The following RAVER1 variants were observed in gnomAD, a reference collection of about 807,000 sequenced individuals.
RAVER1 encodes ribonucleoprotein PTB-binding 1.
RAVER1 carries 36 observed loss-of-function variants against 68.4 expected under a neutral mutation model. That is an observed-to-expected ratio of 0.53 (90% CI 0.40 to 0.70). The LOEUF (loss-of-function observed/expected upper bound fraction) is 0.70. RAVER1 is among the 30% of genes least tolerant of loss of function. The pLI, the probability that RAVER1 is intolerant of heterozygous loss-of-function variation, is 0.00. For synonymous variants in RAVER1, 469 were observed against 472.7 expected, an observed-to-expected ratio of 0.99 and a Z score of 0.10; for missense variants, 933 against 1,019.8, an observed-to-expected ratio of 0.91 and a Z score of 1.16.
At position 10,316,462 on chromosome 19, in the gene RAVER1, G is replaced by C. The variant is rs1429287471; in HGVS notation, c.*992C>G. 1.0e-6 allele frequency: 1 copy of C among 995,938 alleles called. No homozygotes were observed. Among genetic ancestry groups the C allele is most frequent in the African/African-American group, 1.7e-5 (1 of 57,364 alleles). The allele number at this position is 995,938 out of a possible 1,614,324, so 61.7% of individuals were successfully genotyped here. A position where few individuals can be genotyped will look rare whatever the true frequency, so the allele number is the denominator to read the frequency against. ...CTGGCACTGGGCTGGAAGGAGGCCAGCTCCAGGGATCTGGCCGGGGGTGGG... is the reference window on the plus strand; with the variant it reads ...CTGGCACTGGGCTGGAAGGAGGCCACCTCCAGGGATCTGGCCGGGGGTGGG... On this transcript the variant is annotated 3_prime_UTR_variant, in exon 13 of 13. Transcript: ENST00000617231.
At position 10,320,866 on chromosome 19, in the gene RAVER1, T is replaced by A. The variant is rs776908476; in HGVS notation, c.1559A>T (p.Asn520Ile). ...GCCCCGGGCCTCCTTACCCGCCAGG[T>A]TGCTGGCCGGGAGCAGGCTGTGTAG... is the stretch of plus-strand genomic sequence containing the variant. Reference protein sequence around the residue: ...LNLHSLLPASNLAGKEARGWG... With the variant: ...LNLHSLLPASILAGKEARGWG... The change falls in exon 9 of 13, where the codon AAC (asparagine) becomes ATC (isoleucine). Residue 520 changes from asparagine (N) to isoleucine (I), a missense_variant. By Grantham distance (149) the Asn-to-Ile change is moderately radical (BLOSUM62 -3). Around this residue, in one of 3 missense-constraint regions of RAVER1, gnomAD observed 699 missense variants for 731.1 expected, o/e 0.96. Transcript: ENST00000617231. The A allele has an allele frequency of 4.6e-6, 7 of 1,511,308 alleles. No homozygotes were observed. The East Asian group carries it at 1.5e-4, about 32-fold the overall frequency. The allele number at this position is 1,511,308 out of a possible 1,614,324, so 93.6% of individuals were successfully genotyped here.
Position 10,319,887 on chromosome 19 carries a change from G to A in RAVER1, c.1771-647C>T, listed in dbSNP as rs549811715. 8.6e-5 allele frequency among the ~76,000 whole-genome samples: 13 copies of A among 151,806 alleles called. No homozygotes were observed. In the South Asian group the frequency reaches 2.1e-3, roughly 24 times the overall value. On this transcript the variant is annotated intron_variant, in intron 9 of 12. Transcript: ENST00000617231. ...ACTCTTGACCTCAGGTGATCTGCCC[G>A]CCTCGGCCTCCCAAAGTGCTGGGAT...
chr19:10,317,286 C>G lies in RAVER1; in HGVS notation c.*168G>C, dbSNP rs1015406482. 1 of 728,934 alleles carries G rather than the reference C, an allele frequency of 1.4e-6. No homozygotes were observed. The highest frequency in any genetic ancestry group is 3.2e-4 in the Middle Eastern group (1 of 3,132). 45.2% of individuals were successfully genotyped at this position (728,934 alleles called of 1,614,324 possible). A position where few individuals can be genotyped will look rare whatever the true frequency, so the allele number is the denominator to read the frequency against. ...ACATAATGAGGCCTCCAGACTCCCCCACACCCCTTGGGCTCCTGGGGCTCC... is the reference window on the plus strand; with the variant it reads ...ACATAATGAGGCCTCCAGACTCCCCGACACCCCTTGGGCTCCTGGGGCTCC... On this transcript the variant is annotated 3_prime_UTR_variant, in exon 13 of 13. Coordinates refer to ENST00000617231, the MANE Select transcript of RAVER1 (RefSeq NM_133452.3). The surrounding 1 kb of genome is among the most constrained non-coding windows in gnomAD (Gnocchi z 4.3).
chr19:10,321,359 C>G, intron 7 of RAVER1, 100 bp from the exon 8 acceptor site: 1 of 801,684 alleles, frequency 1.2e-6, no homozygotes, highest in Non-Finnish European at 1.7e-6. Context: ...GGTCAAGAGA[C>G]AAATCCATGC....
chr19:10,321,278 T>G lies in RAVER1; in HGVS notation c.1262-19A>C. On this transcript the variant is annotated intron_variant, in intron 7 of 12. Coordinates refer to ENST00000617231, the MANE Select transcript of RAVER1 (RefSeq NM_133452.3). ...CCCCCTCCTAGGGAGGGAAGGAGGA[T>G]TTCAGGGGCCCAGGCTCACAGGACC... The G allele has an allele frequency of 8.2e-7, 1 of 1,213,760 alleles. No homozygotes were observed. Among genetic ancestry groups the G allele is most frequent in the Non-Finnish European group, 1.0e-6 (1 of 954,542 alleles). 75.2% of individuals were successfully genotyped at this position (1,213,760 alleles called of 1,614,324 possible). A position where few individuals can be genotyped will look rare whatever the true frequency, so the allele number is the denominator to read the frequency against.
chr19:10,327,711 TG>T (rs2040484868), intron 3 of RAVER1, among the ~76,000 whole-genome samples: 1 of 152,084 alleles, frequency 6.6e-6, no homozygotes, highest in Admixed American at 6.6e-5. Flanking sequence ...CACCTGAAAA[TG>T]GGAGTGATAC....
intron 3 of RAVER1, among the ~76,000 whole-genome samples, chr19:10,325,490 A>G (rs1055670800): frequency 6.6e-6 from 1 of 152,000 alleles, no homozygotes; most frequent in African/African-American, 2.4e-5. Context: ...CGGCCTCCCA[A>G]AGTGCTGGGA....
rs188488007 is a variant in RAVER1 at position 10,329,932 on chromosome 19, C to G, written c.286+528G>C. ...CACCTCCTCACCTGGTTAACCTGGA[C>G]CCACCCAGGTAGAAACCCTGTCTCT... On this transcript the variant is annotated intron_variant, in intron 2 of 12. Transcript: ENST00000617231. The surrounding 1 kb of genome is among the most constrained non-coding windows in gnomAD (Gnocchi z 4.6). 3.3e-5 allele frequency among the ~76,000 whole-genome samples: 5 copies of G among 152,000 alleles called. No homozygotes were observed. The East Asian group carries it at 9.7e-4, about 29-fold the overall frequency.
chr19:10,325,834 G>T (rs2040470689), intron 3 of RAVER1, among the ~76,000 whole-genome samples: 1 of 151,998 alleles, frequency 6.6e-6, no homozygotes, highest in Admixed American at 6.6e-5. Context: ...TCGAGTGGAG[G>T]AATGAATGGG....
Position 10,328,754 on chromosome 19 carries a change from G to A in RAVER1, c.644C>T (p.Pro215Leu), listed in dbSNP as rs763232813. ...VHWTDAGQLT[P>L]ALLHSRCLCV... ...GAGGCAGCGGGAGTGGAGAAGGGCA[G>A]GCGTCAGTTGCCCGGCATCCGTCCA... The change falls in exon 3 of 13, where the codon CCT becomes CTT. Residue 215 changes from proline (P) to leucine (L), a missense_variant. By Grantham distance (98) the Pro-to-Leu change is moderately conservative. Transcript: ENST00000617231. This position sits in a 1 kb window ranked among gnomAD's most constrained non-coding sequence, Gnocchi z 4.4. The A allele has an allele frequency of 6.2e-7, 1 of 1,612,852 alleles. No homozygotes were observed. Among genetic ancestry groups the A allele is most frequent in the East Asian group, 2.2e-5 (1 of 44,876 alleles).
chr19:10,319,357 A>G, intron 9 of RAVER1, 117 bp from the exon 10 acceptor site: 1 of 1,043,756 alleles, frequency 9.6e-7, no homozygotes. Context: ...TGGGACCAGG[A>G]AGAGGCAAAT....
rs529241980 is a variant in RAVER1, at chr19:10,333,450, C to G, written c.58G>C (p.Glu20Gln). Residue 20 changes from glutamate (E) to glutamine (Q), a missense_variant, in exon 1 of 13, where the codon GAA (glutamate) becomes CAA (glutamine). Around this residue, in one of 3 missense-constraint regions of RAVER1, gnomAD observed 211 missense variants for 230.0 expected, o/e 0.92. Transcript: ENST00000617231. The surrounding 1 kb of genome is among the most constrained non-coding windows in gnomAD (Gnocchi z 4.2). The stretch of plus-strand genomic sequence containing the variant: ...TCCGCGGCATCGCCGGCTTCGACTT[C>G]GGCCCCAGACTTAGGGCTCAGCGGG... ...RPPLSPKSGAEVEAGDAAERR... is the reference protein window; with the variant it reads ...RPPLSPKSGAQVEAGDAAERR... The G allele has an allele frequency of 1.6e-5, 26 of 1,612,482 alleles. No homozygotes were observed. The highest frequency in any genetic ancestry group is 2.0e-5 in the Non-Finnish European group (24 of 1,179,768).
chr19:10,330,297 C>G (rs2040504512), intron 2 of RAVER1, among the ~76,000 whole-genome samples, 163 bp downstream of exon 2: 1 of 152,158 alleles, frequency 6.6e-6, no homozygotes, highest in African/African-American at 2.4e-5. Flanking sequence ...AACATGAAGG[C>G]TGTCCCAAGA....
chr19:10,321,099 A>G lies in RAVER1; in HGVS notation c.1422T>C (p.Ser474=). The G allele has an allele frequency of 7.5e-7, 1 of 1,328,610 alleles. No individual in the cohort carries two copies. Among genetic ancestry groups the G allele is most frequent in the Non-Finnish European group, 9.6e-7 (1 of 1,040,894 alleles). 82.3% of individuals were successfully genotyped at this position (1,328,610 alleles called of 1,614,324 possible). A position where few individuals can be genotyped will look rare whatever the true frequency, so the allele number is the denominator to read the frequency against. ...TGTCTTTCTGGAGGCCTCTGAGGCC[A>G]GAGCCTCGGAGCCCCACAGGGGCGG... The part of the protein sequence containing the change: ...PPPAPVGLRG[S]GLRGLQKDSG... Residue 474 remains serine, a synonymous_variant, in exon 8 of 13, where the codon TCT becomes TCC. Coordinates refer to ENST00000617231, the MANE Select transcript of RAVER1 (RefSeq NM_133452.3).
chr19:10,326,990 G>A (rs75850379), intron 3 of RAVER1, among the ~76,000 whole-genome samples: 4,449 of 151,888 alleles, frequency 0.029, 89 homozygotes, highest in East Asian at 0.049. Flanking sequence ...GGCTGGTCTT[G>A]AACTCTTGAC....
intron 2 of RAVER1, among the ~76,000 whole-genome samples, chr19:10,330,135 A>G (rs1459238211): frequency 1.3e-5 from 2 of 151,988 alleles, no homozygotes; most frequent in Non-Finnish European, 2.9e-5. Context: ...AAAAAAAAAA[A>G]AAAGACCACA....
In RAVER1 at chr19:10,329,747, C is replaced by T. The variant is rs1414140448; in HGVS notation, c.287-636G>A. On this transcript the variant is annotated intron_variant, in intron 2 of 12. Coordinates refer to ENST00000617231, the MANE Select transcript of RAVER1 (RefSeq NM_133452.3). This position sits in a 1 kb window ranked among gnomAD's most constrained non-coding sequence, Gnocchi z 4.6. ...CAGGAAGCTTTGTTCAAAACGATCA[C>T]GCCACATCCATCTTGTGGCTTCTAG... 1.3e-5 allele frequency among the ~76,000 whole-genome samples: 2 copies of T among 152,154 alleles called. No homozygotes were observed. Among genetic ancestry groups the T allele is most frequent in the South Asian group, 2.1e-4 (1 of 4,834 alleles).
chr19:10,317,317 A>C lies in RAVER1; in HGVS notation c.*137T>G. The C allele has an allele frequency of 1.0e-6, 1 of 961,228 alleles. No individual in the cohort carries two copies. The highest frequency in any genetic ancestry group is 1.4e-5 in the South Asian group (1 of 70,488). 59.5% of individuals were successfully genotyped at this position (961,228 alleles called of 1,614,324 possible). A position where few individuals can be genotyped will look rare whatever the true frequency, so the allele number is the denominator to read the frequency against. On this transcript the variant is annotated 3_prime_UTR_variant, in exon 13 of 13. Coordinates refer to ENST00000617231, the MANE Select transcript of RAVER1 (RefSeq NM_133452.3). The surrounding 1 kb of genome is among the most constrained non-coding windows in gnomAD (Gnocchi z 4.3). Reference sequence around the variant, plus strand: ...CCTTGGGCTCCTGGGGCTCCGGCTGATTGGTCAGTAAAGTCTTTCAGAGAT... The same window carrying C: ...CCTTGGGCTCCTGGGGCTCCGGCTGCTTGGTCAGTAAAGTCTTTCAGAGAT...
intron 1 of RAVER1, among the ~76,000 whole-genome samples, chr19:10,331,887 G>T (rs2040521351): frequency 6.6e-6 from 1 of 152,132 alleles, no homozygotes; most frequent in African/African-American, 2.4e-5. Flanking sequence ...GCCACCCATG[G>T]GTACCTGACT....
Sources: gnomAD v4.1 joint callset for allele counts (sites outside exome capture counted in the v4.1 genomes callset) on GRCh38, gnomAD v4.1.1 for gene constraint, gnomAD v4.1.1 regional missense constraint, Gnocchi (gnomAD v3.1) non-coding constraint, MANE v1.5 for transcripts, NCBI Gene and HGNC (gene_info 2026-07-23, HGNC 2026-07-21) for gene names.